Variants in EPHA6 observed in about 807,000 individuals in gnomAD.
EPHA6 encodes the protein ephrin type-A receptor 6.
EPHA6 carries 50 observed loss-of-function variants against 112.0 expected under a neutral mutation model. The ratio of observed to expected loss-of-function variants is 0.45; its 90% CI spans 0.36 to 0.56. The LOEUF (loss-of-function observed/expected upper bound fraction) is 0.56. Among genes scored for constraint, EPHA6 ranks in the 20% least tolerant of loss-of-function variants. The pLI, the probability that EPHA6 is intolerant of heterozygous loss-of-function variation, is 0.00. For missense variants in EPHA6, 1,280 were observed against 1,417.4 expected (o/e 0.90, Z 1.56); for synonymous variants, 529 against 490.7 (o/e 1.08, Z -1.03).
intron 3 of EPHA6, among the ~76,000 whole-genome samples, chr3:97,078,954 G>A (rs969437913): frequency 6.6e-5 from 10 of 152,132 alleles, no homozygotes; most frequent in African/African-American, 1.2e-4. Flanking sequence ...ACAGTGTGGC[G>A]ATTCCTCAAA....
intron 9 of EPHA6, among the ~76,000 whole-genome samples, chr3:97,480,159 A>G (rs951091997): frequency 6.6e-6 from 1 of 152,114 alleles, no homozygotes; most frequent in Non-Finnish European, 1.5e-5. Context: ...GATTTAAGTG[A>G]GGAACTTTTA....
intron 3 of EPHA6, among the ~76,000 whole-genome samples, chr3:97,057,718 G>A (rs546822642): frequency 6.6e-6 from 1 of 152,170 alleles, no homozygotes; most frequent in African/African-American, 2.4e-5. Flanking sequence ...GTATATAAGA[G>A]TGGGATATTT....
chr3:97,550,229 A>G (rs146275924), intron 11 of EPHA6, among the ~76,000 whole-genome samples: 184 of 152,352 alleles, frequency 1.2e-3, no homozygotes, highest in African/African-American at 4.2e-3. Flanking sequence ...AGAACCCTAA[A>G]GTCTTGAGCA....
intron 1 of EPHA6, among the ~76,000 whole-genome samples, chr3:96,863,547 TAATC>T (rs1329134009): frequency 6.6e-6 from 1 of 152,044 alleles, no homozygotes; most frequent in Non-Finnish European, 1.5e-5. Context: ...CATTGCAATT[TAATC>T]AAATAAAGCA....
chr3:97,266,567 C>T (rs1382351816), intron 5 of EPHA6, among the ~76,000 whole-genome samples: 1 of 152,102 alleles, frequency 6.6e-6, no homozygotes, highest in Non-Finnish European at 1.5e-5. Flanking sequence ...GTACCTTTCA[C>T]TTTATTTGAT....
intron 3 of EPHA6, among the ~76,000 whole-genome samples, chr3:97,025,494 A>G (rs576445972): frequency 6.6e-6 from 1 of 152,262 alleles, no homozygotes; most frequent in South Asian, 2.1e-4. Context: ...TTCATTAATT[A>G]TATCCTAGTT....
At chr3:97,468,127 GA>G (rs2091114347) in intron 7 of EPHA6, among the ~76,000 whole-genome samples, 1 of 144,648 alleles carries the variant, frequency 6.9e-6, no homozygotes, top group African/African-American at 2.6e-5. Context: ...GCACAGCTAT[GA>G]AATCACTTTC....
intron 1 of EPHA6, among the ~76,000 whole-genome samples, chr3:96,839,504 C>G (rs980765049): frequency 9.9e-5 from 15 of 152,088 alleles, no homozygotes; most frequent in African/African-American, 3.4e-4. Flanking sequence ...TTGAGGACCG[C>G]TGCCCTAAAG....
chr3:97,182,842 A>G (rs779432867), intron 3 of EPHA6, among the ~76,000 whole-genome samples: 27 of 152,146 alleles, frequency 1.8e-4, no homozygotes, highest in Non-Finnish European at 3.4e-4. Flanking sequence ...TGAGTGGTAA[A>G]CATAAGGCCA....
At chr3:96,922,233 C>T (rs1368901256) in intron 2 of EPHA6, among the ~76,000 whole-genome samples, 1 of 152,062 alleles carries the variant, frequency 6.6e-6, no homozygotes, top group African/African-American at 2.4e-5. Flanking sequence ...GCATTCATTA[C>T]AAAAAATGCC....
At chr3:97,410,998 G>A (rs2087675545) in intron 6 of EPHA6, among the ~76,000 whole-genome samples, 1 of 151,760 alleles carries the variant, frequency 6.6e-6, no homozygotes, top group South Asian at 2.1e-4. Context: ...ATGCAGTAAA[G>A]GACCAAGTCA....
chr3:97,655,085 A>ATATATATTATATGTTATATAT (rs1414394686), intron 14 of EPHA6, among the ~76,000 whole-genome samples: 2 of 148,162 alleles, frequency 1.3e-5, no homozygotes, highest in African/African-American at 4.9e-5. Context: ...TGGAGAAAAT[A>ATATATATTATATGTTATATAT]TATATATTAT....
At chr3:97,424,158 T>A (rs1392799575) in intron 6 of EPHA6, among the ~76,000 whole-genome samples, 1 of 152,204 alleles carries the variant, frequency 6.6e-6, no homozygotes, top group Non-Finnish European at 1.5e-5. Context: ...AGTTTGTGCA[T>A]AGGAACTCTC....
At chr3:96,864,227 C>A (rs912979200) in intron 1 of EPHA6, among the ~76,000 whole-genome samples, 4 of 151,892 alleles carry the variant, frequency 2.6e-5, no homozygotes, top group Non-Finnish European at 5.9e-5. Context: ...TTGTTATTAA[C>A]CCTGGAGAAA....
At position 97,459,912 on chromosome 3, in the gene EPHA6, T is replaced by C. The variant is rs113607250; in HGVS notation, c.1894+11182T>C. ...CAGTTCATATTTGGTCTGTGAACTT[T>C]CTGAAGATGCAGTAAATTATGACCT... is the stretch of plus-strand genomic sequence containing the variant. On this transcript the variant is annotated intron_variant, in intron 7 of 17. Coordinates refer to ENST00000389672, the MANE Select transcript of EPHA6 (RefSeq NM_001080448.3). Among the ~76,000 whole-genome samples the C allele has an allele frequency of 3.9e-3, 596 of 152,348 alleles. 4 individuals are homozygous for C. The highest frequency in any genetic ancestry group is 0.014 in the African/African-American group (569 of 41,576).
chr3:97,654,370 C>A (rs1353545623), intron 14 of EPHA6, among the ~76,000 whole-genome samples: 2 of 151,858 alleles, frequency 1.3e-5, no homozygotes, highest in Non-Finnish European at 2.9e-5. Flanking sequence ...TCTGTGAGTA[C>A]CTACTGTTTT....
chr3:97,089,608 C>T (rs1021257626), intron 3 of EPHA6, among the ~76,000 whole-genome samples: 6 of 152,116 alleles, frequency 3.9e-5, no homozygotes, highest in Admixed American at 3.9e-4. Context: ...GCTACTCAAA[C>T]AAATAGAAAT....
At chr3:96,947,705 C>T (rs949319878) in intron 2 of EPHA6, among the ~76,000 whole-genome samples, 2 of 152,110 alleles carry the variant, frequency 1.3e-5, no homozygotes, top group Admixed American at 1.3e-4. Context: ...TGTGAAGGAG[C>T]TCTTCAAGGA....
At chr3:97,217,864 T>C (rs1280561305) in intron 3 of EPHA6, among the ~76,000 whole-genome samples, 1 of 152,232 alleles carries the variant, frequency 6.6e-6, no homozygotes, top group Non-Finnish European at 1.5e-5. Flanking sequence ...TTGGACTTTA[T>C]TCTAGAAACC....
Sources: gnomAD v4.1 joint callset for allele counts (sites outside exome capture counted in the v4.1 genomes callset) on GRCh38, gnomAD v4.1.1 for gene constraint, MANE v1.5 for transcripts, NCBI Gene and HGNC (gene_info 2026-07-23, HGNC 2026-07-21) for gene names.